The following RCN3 variants were observed in gnomAD, a reference collection of about 807,000 sequenced individuals.
The protein encoded by RCN3 is reticulocalbin 3, also known as reticulocalbin-3.
In RCN3, 41 loss-of-function variants were observed where a neutral mutation model predicts 35.9. The ratio of observed to expected loss-of-function variants is 1.14; its 90% CI spans 0.89 to 1.48. The LOEUF is 1.48. Among genes scored for constraint, RCN3 ranks in the 40% most tolerant of loss-of-function variants. The pLI is 0.00. For missense variants in RCN3, 451 were observed against 471.3 expected (o/e 0.96, Z 0.40); for synonymous variants, 187 against 193.4 (o/e 0.97, Z 0.27).
In RCN3 at chr19:49,542,600, C is replaced by G. The variant is rs746771925; in HGVS notation, c.727C>G (p.Gln243Glu). 2 of 1,609,342 alleles carry G rather than the reference C, an allele frequency of 1.2e-6. No homozygotes were observed. The highest frequency in any genetic ancestry group is 2.7e-5 in the African/African-American group (2 of 74,888). ...TGGGGAGGAGGAGCCGGCGTGGGTGCAGACGGAGAGGCAGCAGTTCCGGGA... is the reference window on the plus strand; with the variant it reads ...TGGGGAGGAGGAGCCGGCGTGGGTGGAGACGGAGAGGCAGCAGTTCCGGGA... ...EPGEEEPAWV[Q>E]TERQQFRDFR... Residue 243 changes from glutamine (Q) to glutamate (E), a missense_variant, in exon 6 of 7, where the codon CAG (glutamine) becomes GAG (glutamate). Physicochemically the swap from Gln to Glu is conservative, Grantham distance 29. Transcript: ENST00000270645.
chr19:49,528,977 T>A (rs1168630306), intron 2 of RCN3, among the ~76,000 whole-genome samples: 1 of 151,500 alleles, frequency 6.6e-6, no homozygotes, highest in Admixed American at 6.6e-5. Context: ...AGGTCAGGAG[T>A]TCGAGAACAG....
At chr19:49,529,740 TTTTATTTATTTA>T (rs57928834) in intron 2 of RCN3, among the ~76,000 whole-genome samples, 16 of 151,040 alleles carry the variant, frequency 1.1e-4, no homozygotes, top group African/African-American at 3.9e-4. Flanking sequence ...GAGTTGCAAT[TTTTATTTATTTA>T]TTTATTTATT....
chr19:49,534,307 C>T lies in RCN3; in HGVS notation c.357C>T (p.Ser119=), dbSNP rs1418701754. Residue 119 remains serine, a synonymous_variant, in exon 3 of 7, where the codon AGC becomes AGT. Transcript: ENST00000270645. The stretch of plus-strand genomic sequence containing the variant: ...AGCGGCACATACGGGACTCGGTGAG[C>T]GCGGCCTGGGACACGTACGACACGG... ...TQQRHIRDSV[S]AAWDTYDTDR... 2.7e-6 allele frequency: 4 copies of T among 1,491,912 alleles called. No individual in the cohort carries two copies. The highest frequency in any genetic ancestry group is 2.6e-5 in the East Asian group (1 of 38,162). 92.4% of individuals were successfully genotyped at this position (1,491,912 alleles called of 1,614,324 possible). A position where few individuals can be genotyped will look rare whatever the true frequency, so the allele number is the denominator to read the frequency against.
At chr19:49,535,587 C>G (rs1465208746) in intron 3 of RCN3, among the ~76,000 whole-genome samples, 1 of 152,154 alleles carries the variant, frequency 6.6e-6, no homozygotes, top group Non-Finnish European at 1.5e-5. Context: ...TGCCATGGCT[C>G]ACGCCTGTAA....
At chr19:49,539,942 A>G (rs2080155625) in intron 5 of RCN3, among the ~76,000 whole-genome samples, 1 of 151,958 alleles carries the variant, frequency 6.6e-6, no homozygotes, top group Non-Finnish European at 1.5e-5. Context: ...AGGCTGGTCT[A>G]GAACTCCCAA....
chr19:49,534,664 A>C (rs1332259463), intron 3 of RCN3, among the ~76,000 whole-genome samples: 4 of 152,120 alleles, frequency 2.6e-5, no homozygotes, highest in African/African-American at 9.7e-5. Context: ...AGGTGCTAAA[A>C]GCCACTGAAC....
At chr19:49,541,336 AG>A (rs1188048706) in intron 5 of RCN3, among the ~76,000 whole-genome samples, 2 of 152,164 alleles carry the variant, frequency 1.3e-5, no homozygotes, top group East Asian at 1.9e-4. Flanking sequence ...CCTGAGGCCC[AG>A]GGGGGTTGAA....
intron 2 of RCN3, among the ~76,000 whole-genome samples, chr19:49,532,991 A>G (rs2080116460): frequency 6.6e-6 from 1 of 152,238 alleles, no homozygotes; most frequent in African/African-American, 2.4e-5. Flanking sequence ...TAAGTGCTTT[A>G]CATGGCCTAA....
At chr19:49,541,515 A>G (rs2080162778) in intron 5 of RCN3, among the ~76,000 whole-genome samples, 1 of 152,106 alleles carries the variant, frequency 6.6e-6, no homozygotes, top group East Asian at 1.9e-4. Context: ...TTAGGAGGCC[A>G]AGGTGGGTGG....
intron 2 of RCN3, 65 bp downstream of exon 2, chr19:49,528,779 C>CT: frequency 6.9e-7 from 1 of 1,441,950 alleles, no homozygotes; most frequent in Non-Finnish European, 9.2e-7. Context: ...GCGGGGGTAT[C>CT]GACAGGGGTC....
At chr19:49,532,759 T>C (rs1162477757) in intron 2 of RCN3, among the ~76,000 whole-genome samples, 1 of 152,184 alleles carries the variant, frequency 6.6e-6, no homozygotes, top group Non-Finnish European at 1.5e-5. Flanking sequence ...CACTGCAACC[T>C]CCACCTCCCA....
chr19:49,538,423 T>C (rs928657651), intron 4 of RCN3, among the ~76,000 whole-genome samples: 3 of 151,814 alleles, frequency 2.0e-5, no homozygotes, highest in Non-Finnish European at 4.4e-5. Context: ...CACCTCGGCC[T>C]TCCAAAGTGC....
Position 49,542,184 on chromosome 19 carries a change from C to A in RCN3, c.680-369C>A, listed in dbSNP as rs775967318. 5.2e-4 allele frequency among the ~76,000 whole-genome samples: 79 copies of A among 152,216 alleles called. 1 individual carries two copies. Among genetic ancestry groups the A allele is most frequent in the Admixed American group, 1.0e-3 (16 of 15,278 alleles). ...AAGTGTTGGATTACAGTCATCACTGCACCTGGCATCTCTGTCACCTGCTAA... is the reference window on the plus strand; with the variant it reads ...AAGTGTTGGATTACAGTCATCACTGAACCTGGCATCTCTGTCACCTGCTAA... On this transcript the variant is annotated intron_variant, in intron 5 of 6. Coordinates refer to ENST00000270645, the MANE Select transcript of RCN3 (RefSeq NM_020650.3).
rs1178220075 is a variant in RCN3 at position 49,537,332 on chromosome 19, G to A, written c.618+127G>A. 10 of 967,210 alleles carry A rather than the reference G, an allele frequency of 1.0e-5. No individual in the cohort carries two copies. In the African/African-American group the frequency reaches 1.5e-4, roughly 15 times the overall value. 59.9% of individuals were successfully genotyped at this position (967,210 alleles called of 1,614,324 possible). A position where few individuals can be genotyped will look rare whatever the true frequency, so the allele number is the denominator to read the frequency against. ...CCTGGTTCTCCAGCATCTTGCCGGGGAAGCCAGGCCGCAAACACAGGTCAG... is the reference window on the plus strand; with the variant it reads ...CCTGGTTCTCCAGCATCTTGCCGGGAAAGCCAGGCCGCAAACACAGGTCAG... On this transcript the variant is annotated intron_variant, in intron 4 of 6. Transcript: ENST00000270645.
intron 2 of RCN3, among the ~76,000 whole-genome samples, chr19:49,531,145 C>T (rs1464769570): frequency 6.6e-6 from 1 of 152,032 alleles, no homozygotes; most frequent in African/African-American, 2.4e-5. Context: ...AGTGATACCC[C>T]GCCTCTACAA....
intron 5 of RCN3, among the ~76,000 whole-genome samples, chr19:49,539,913 G>A (rs541462909): frequency 2.4e-4 from 36 of 151,938 alleles, no homozygotes; most frequent in African/African-American, 8.0e-4. Flanking sequence ...AGTGGAGATG[G>A]GATTTCACCA....
intron 3 of RCN3, 34 bp from the exon 4 acceptor site, chr19:49,536,999 A>G: frequency 6.8e-7 from 1 of 1,472,434 alleles, no homozygotes; most frequent in Non-Finnish European, 9.0e-7. Context: ...TTCCTCCATT[A>G]AAGCTCATCT....
intron 5 of RCN3, among the ~76,000 whole-genome samples, chr19:49,541,852 C>A (rs1214563557): frequency 6.8e-6 from 1 of 147,116 alleles, no homozygotes; most frequent in African/African-American, 2.5e-5. Context: ...TGGTGGCACG[C>A]ACCTGTAATC....
At chr19:49,538,161 GTTT>G (rs1205196408) in intron 4 of RCN3, among the ~76,000 whole-genome samples, 1,733 of 120,464 alleles carry the variant, frequency 0.014, 28 homozygotes, top group African/African-American at 0.041. Context: ...TCTGGCTAAT[GTTT>G]TTTTTTTTTT....
Sources: allele counts gnomAD v4.1 joint callset (sites outside exome capture counted in the v4.1 genomes callset), GRCh38; gene constraint gnomAD v4.1.1; transcripts MANE v1.5; gene names NCBI Gene and HGNC (gene_info 2026-07-23, HGNC 2026-07-21).